The following GOLGA8H variants were observed in gnomAD, a reference collection of about 807,000 sequenced individuals.
GOLGA8H encodes golgin subfamily A member 8H.
A neutral mutation model predicts 82.7 loss-of-function variants in GOLGA8H; 47 were observed. The ratio of observed to expected loss-of-function variants is 0.57; its 90% confidence interval spans 0.45 to 0.73. The LOEUF is 0.73. GOLGA8H is among the 30% of genes least tolerant of loss of function. The pLI, the probability that GOLGA8H is intolerant of heterozygous loss-of-function variation, is 0.00. For synonymous variants in GOLGA8H, 108 were observed against 241.6 expected (o/e 0.45, Z 5.13); for missense variants, 372 against 661.0 (o/e 0.56, Z 4.79).
In GOLGA8H at chr15:30,606,357, A is replaced by C. The variant is rs948711378; in HGVS notation, c.168+395A>C. ...GACAGAGCAAGACTCTGTCTCAAAG[A>C]AAAAAAAAAAAGGAATTCTGGATTT... On this transcript the variant is annotated intron_variant, in intron 2 of 18. Coordinates refer to ENST00000566740, the MANE Select transcript of GOLGA8H (RefSeq NM_001282490.2). Among the ~76,000 whole-genome samples the C allele has an allele frequency of 1.3e-4, 19 of 144,930 alleles. 2 individuals carry two copies. Among genetic ancestry groups the C allele is most frequent in the African/African-American group, 4.5e-4 (17 of 38,104 alleles).
At chr15:30,606,409 T>C (rs1468936348) in intron 2 of GOLGA8H, among the ~76,000 whole-genome samples, 1 of 150,540 alleles carries the variant, frequency 6.6e-6, no homozygotes, top group Non-Finnish European at 1.5e-5. Context: ...TCTGCTCTGC[T>C]AGGGATATGA....
Position 30,610,345 on chromosome 15 carries a change from T to C in GOLGA8H, c.830T>C (p.Val277Ala), listed in dbSNP as rs766928092. The change falls in exon 11 of 19, where the codon GTA becomes GCA. Residue 277 changes from valine to alanine, a missense_variant. By Grantham distance (64) the Val-to-Ala change is moderately conservative. Transcript: ENST00000566740. ...GAGAAGCAGCAAGATATGCGTCGGG[T>C]AGAGAAGCTGGAGAGGAGCTTGTCC... ...KKEKQQDMRR[V>A]EKLERSLSKL... is the part of the protein sequence containing the mutation. The C allele has an allele frequency of 1.4e-6, 2 of 1,460,004 alleles. No homozygotes were observed. The highest frequency in any genetic ancestry group is 2.3e-5 in the South Asian group (2 of 86,492). 90.4% of individuals were successfully genotyped at this position (1,460,004 alleles called of 1,614,324 possible).
In GOLGA8H at chr15:30,610,060, G is replaced by A. The variant is rs562595803; in HGVS notation, c.740G>A (p.Gly247Glu). Reference protein sequence around the residue: ...ERDECAEHLKGERARWQQRMR... With the variant: ...ERDECAEHLKEERARWQQRMR... ...GATGAGTGTGCTGAACATCTAAAAG[G>A]AGAGAGGGCCCGGTGGCAGCAGAGG... Residue 247 changes from glycine (G) to glutamate (E), a missense_variant, in exon 10 of 19, where the codon GGA becomes GAA. Physicochemically the swap from Gly to Glu is moderately conservative, Grantham distance 98. Coordinates refer to ENST00000566740, the MANE Select transcript of GOLGA8H (RefSeq NM_001282490.2). The A allele has an allele frequency of 1.1e-5, 18 of 1,611,456 alleles. 1 individual carries two copies. The Admixed American group carries it at 1.7e-4, about 15-fold the overall frequency.
chr15:30,609,546 C>T (rs1250318178), intron 8 of GOLGA8H, among the ~76,000 whole-genome samples: 1 of 149,846 alleles, frequency 6.7e-6, no homozygotes, highest in Non-Finnish European at 1.5e-5. Flanking sequence ...AAGGTTCAAA[C>T]AGTGGTAATA....
intron 5 of GOLGA8H, 128 bp downstream of exon 5, chr15:30,608,196 T>A: frequency 2.6e-6 from 3 of 1,164,794 alleles, no homozygotes; most frequent in Admixed American, 4.0e-5. Context: ...TTCCACCCCA[T>A]CCCCACAGGG....
chr15:30,610,132 C>T (rs770878001), intron 10 of GOLGA8H, 26 bp downstream of exon 10: 21 of 1,499,430 alleles, frequency 1.4e-5, no homozygotes, highest in South Asian at 2.3e-5. Flanking sequence ...TCAGCCCCCC[C>T]ACATTAGATA....
At chr15:30,606,191 A>T (rs1297416163) in intron 2 of GOLGA8H, among the ~76,000 whole-genome samples, 1 of 151,452 alleles carries the variant, frequency 6.6e-6, no homozygotes, top group East Asian at 1.9e-4. Context: ...TGTCTCTACT[A>T]AAAATACAAA....
At position 30,616,252 on chromosome 15, in the gene GOLGA8H, CA is replaced by C. The variant is rs1188950326; in HGVS notation, c.*1692del. Among the ~76,000 whole-genome samples the C allele has an allele frequency of 2.0e-5, 3 of 149,638 alleles. No individual in the cohort carries two copies. Among genetic ancestry groups the C allele is most frequent in the African/African-American group, 7.4e-5 (3 of 40,446 alleles). On this transcript the variant is annotated 3_prime_UTR_variant, in exon 19 of 19. Coordinates refer to ENST00000566740, the MANE Select transcript of GOLGA8H (RefSeq NM_001282490.2). ...CAAAACACATCACATTGTTAGGATGCAGGGAGATAGGTGTGTGTGCTCCCTG... is the reference window on the plus strand; with the variant it reads ...CAAAACACATCACATTGTTAGGATGCGGGAGATAGGTGTGTGTGCTCCCTG...
At position 30,614,203 on chromosome 15, in the gene GOLGA8H, G is replaced by T. The variant is rs1435661949; in HGVS notation, c.1625G>T (p.Gly542Val). The T allele has an allele frequency of 8.0e-7, 1 of 1,252,262 alleles. No individual in the cohort carries two copies. The allele number at this position is 1,252,262 out of a possible 1,614,324, so 77.6% of individuals were successfully genotyped here. Residue 542 changes from glycine (G) to valine (V), a missense_variant, in exon 18 of 19, where the codon GGG becomes GTG. Transcript: ENST00000566740. ...GCGGCTTACAGCAACTACAACAATG[G>T]GCACAGAAAATTCCTGGCCGCTGCC... ...GIAAYSNYNN[G>V]HRKFLAAAHN...
In GOLGA8H at chr15:30,605,911, T is replaced by C. The variant is rs2059916674; in HGVS notation, c.117T>C (p.Asn39=). Residue 39 remains asparagine, a synonymous_variant, in exon 2 of 19, where the codon AAT becomes AAC. Coordinates refer to ENST00000566740, the MANE Select transcript of GOLGA8H (RefSeq NM_001282490.2). ...PAGANRNRKT[N]GSVPEKATSG... ...GAGCGAACAGGAACAGGAAAACAAA[T>C]GGCAGTGTCCCTGAGAAAGCCACTT... 2 of 1,593,366 alleles carry C rather than the reference T, an allele frequency of 1.3e-6. No homozygotes were observed. Among genetic ancestry groups the C allele is most frequent in the Non-Finnish European group, 1.7e-6 (2 of 1,175,946 alleles).
At chr15:30,607,787 T>C (rs2059945587) in intron 4 of GOLGA8H, 3 of 595,798 alleles carry the variant, frequency 5.0e-6, no homozygotes, top group Non-Finnish European at 5.9e-6. Context: ...TAGAGGTTTA[T>C]ATTGCTGTCC....
intron 8 of GOLGA8H, 59 bp from the exon 9 acceptor site, chr15:30,609,747 G>A (rs894313612): frequency 9.5e-6 from 15 of 1,574,196 alleles, no homozygotes; most frequent in Middle Eastern, 2.2e-4. Context: ...CTTTTAAGGG[G>A]CACTGTGTGG....
At chr15:30,607,716 T>G (rs909515041) in intron 4 of GOLGA8H, 1 of 591,892 alleles carries the variant, frequency 1.7e-6, no homozygotes, top group African/African-American at 1.9e-5. Flanking sequence ...GTTTATTGAA[T>G]GAACCCACTT....
rs570419819 is a variant in GOLGA8H at position 30,608,736 on chromosome 15, C to T, written c.571C>T (p.Gln191Ter). The change falls in exon 8 of 19, where the codon CAG becomes TAG. Residue 191 changes from glutamine (Q) to a stop codon, truncating the protein, a stop_gained. Transcript: ENST00000566740. LOFTEE classifies it high-confidence loss of function. ...TGTTCTCTCTAATGTCATGGCCACA[C>T]AGAAGAAGAAGGCAAACCAGGTGAG... ...ESVLSNVMATQKKKANQLSSR... is the reference protein window; with the variant it reads ...ESVLSNVMAT The T allele has an allele frequency of 9.3e-6, 14 of 1,507,608 alleles. No homozygotes were observed. In the East Asian group the frequency reaches 1.2e-4, roughly 13 times the overall value. The allele number at this position is 1,507,608 out of a possible 1,614,324, so 93.4% of individuals were successfully genotyped here. A position where few individuals can be genotyped will look rare whatever the true frequency, so the allele number is the denominator to read the frequency against.
chr15:30,612,565 C>A, intron 13 of GOLGA8H, 32 bp from the exon 14 acceptor site: 5 of 1,591,838 alleles, frequency 3.1e-6, no homozygotes, highest in Non-Finnish European at 3.4e-6. Context: ...CTGGCAAACT[C>A]CACCCCTTCT....
Position 30,613,934 on chromosome 15 carries a change from G to A in GOLGA8H, c.1470-19G>A, listed in dbSNP as rs1325108206. On this transcript the variant is annotated intron_variant, in intron 16 of 18. Transcript: ENST00000566740. Reference sequence around the variant, plus strand: ...GGCCGTCGGAGGGGCCCCAGCGTCTGAGCCCTGTCCTCCCGCAGGAAAACC... The same window carrying A: ...GGCCGTCGGAGGGGCCCCAGCGTCTAAGCCCTGTCCTCCCGCAGGAAAACC... The A allele has an allele frequency of 2.5e-6, 3 of 1,187,080 alleles. No individual in the cohort carries two copies. Among genetic ancestry groups the A allele is most frequent in the South Asian group, 2.4e-5 (2 of 82,566 alleles). 73.5% of individuals were successfully genotyped at this position (1,187,080 alleles called of 1,614,324 possible). A position where few individuals can be genotyped will look rare whatever the true frequency, so the allele number is the denominator to read the frequency against.
intron 2 of GOLGA8H, among the ~76,000 whole-genome samples, chr15:30,606,539 T>C (rs1309990361): frequency 6.6e-6 from 1 of 151,690 alleles, no homozygotes; most frequent in Admixed American, 6.6e-5. Flanking sequence ...GTTTTTATGT[T>C]AATCCCTAGT....
rs546778200 is a variant in GOLGA8H at position 30,612,502 on chromosome 15, G to A, written c.1201-95G>A. On this transcript the variant is annotated intron_variant, in intron 13 of 18. Coordinates refer to ENST00000566740, the MANE Select transcript of GOLGA8H (RefSeq NM_001282490.2). ...TGGCTGAGATGGCCTGCCAAAAGTT[G>A]CAGGAGACCCAGGGGAGGGAGCTGC... 7.7e-6 allele frequency: 10 copies of A among 1,299,606 alleles called. 1 individual carries two copies. The highest frequency in any genetic ancestry group is 1.1e-5 in the Non-Finnish European group (10 of 931,792). The allele number at this position is 1,299,606 out of a possible 1,614,324, so 80.5% of individuals were successfully genotyped here. A position where few individuals can be genotyped will look rare whatever the true frequency, so the allele number is the denominator to read the frequency against.
In GOLGA8H at chr15:30,605,942, G is replaced by T. The variant is rs1414749261; in HGVS notation, c.148G>T (p.Gly50Cys). 1.9e-6 allele frequency: 3 copies of T among 1,596,876 alleles called. No individual in the cohort carries two copies. Among genetic ancestry groups the T allele is most frequent in the African/African-American group, 1.3e-5 (1 of 74,410 alleles). Residue 50 changes from glycine (G) to cysteine (C), a missense_variant, in exon 2 of 19, where the codon GGT becomes TGT. Coordinates refer to ENST00000566740, the MANE Select transcript of GOLGA8H (RefSeq NM_001282490.2). Reference sequence around the variant, plus strand: ...TGTCCCTGAGAAAGCCACTTCTGGTGGTTGCCAGCCACCTGGGGATGTGAG... The same window carrying T: ...TGTCCCTGAGAAAGCCACTTCTGGTTGTTGCCAGCCACCTGGGGATGTGAG... Reference protein sequence around the residue: ...GSVPEKATSGGCQPPGDSATG... With the variant: ...GSVPEKATSGCCQPPGDSATG...
Sources: gnomAD v4.1 joint callset for allele counts (sites outside exome capture counted in the v4.1 genomes callset) on GRCh38, gnomAD v4.1.1 for gene constraint, MANE v1.5 for transcripts, NCBI Gene and HGNC (gene_info 2026-07-23, HGNC 2026-07-21) for gene names.